ATP8A1: variants seen among roughly 807,000 people sequenced by gnomAD.
ATP8A1 encodes the protein phospholipid-transporting ATPase IA.
A neutral mutation model predicts 177.7 loss-of-function variants in ATP8A1; 90 were observed. The ratio of observed to expected loss-of-function variants is 0.51; its 90% CI spans 0.43 to 0.60. The LOEUF (loss-of-function observed/expected upper bound fraction) is 0.60. Among genes scored for constraint, ATP8A1 ranks in the 20% least tolerant of loss-of-function variants. The pLI is 0.00. For synonymous variants in ATP8A1, 493 were observed against 485.9 expected (o/e 1.01, Z -0.19); for missense variants, 1,072 against 1,392.8 (o/e 0.77, Z 3.67).
Position 42,616,039 on chromosome 4 carries a change from T to A in ATP8A1, c.403A>T (p.Thr135Ser). Reference sequence around the variant, plus strand: ...AAGCATGTAAAATTCCTACCTTGCGTTTGTTTCTTGTTCACTGCATTATCA... The same window carrying A: ...AAGCATGTAAAATTCCTACCTTGCGATTGTTTCTTGTTCACTGCATTATCA... ...KADNAVNKKQ[T>S]QVLRNGAWEI... Residue 135 changes from threonine to serine, a missense_variant, in exon 5 of 37, where the codon ACG becomes TCG. By Grantham distance (58) the Thr-to-Ser change is moderately conservative. Coordinates refer to ENST00000381668, the MANE Select transcript of ATP8A1 (RefSeq NM_006095.2). 12 of 1,612,126 alleles carry A rather than the reference T, an allele frequency of 7.4e-6. No individual in the cohort carries two copies. The highest frequency in any genetic ancestry group is 1.0e-5 in the Non-Finnish European group (12 of 1,179,224).
intron 5 of ATP8A1, among the ~76,000 whole-genome samples, chr4:42,603,393 T>C (rs1735493506): frequency 6.6e-6 from 1 of 152,232 alleles, no homozygotes; most frequent in African/African-American, 2.4e-5. Flanking sequence ...GCATTAAATT[T>C]TTGTACAATG....
intron 4 of ATP8A1, among the ~76,000 whole-genome samples, chr4:42,618,509 T>C (rs1270483393): frequency 6.6e-6 from 1 of 152,190 alleles, no homozygotes; most frequent in South Asian, 2.1e-4. Flanking sequence ...CTGGTACTTG[T>C]CTCAGACATG....
intron 15 of ATP8A1, among the ~76,000 whole-genome samples, chr4:42,568,350 C>A (rs565171896): frequency 2.6e-5 from 4 of 152,270 alleles, no homozygotes; most frequent in Admixed American, 2.6e-4. Flanking sequence ...TCACCAAATA[C>A]ATGAGTAATA....
intron 14 of ATP8A1, among the ~76,000 whole-genome samples, chr4:42,573,380 T>C (rs1178981852): frequency 1.3e-5 from 2 of 152,182 alleles, no homozygotes; most frequent in Non-Finnish European, 2.9e-5. Flanking sequence ...AAGTACAAGA[T>C]GTCAAAAAGT....
At chr4:42,544,932 C>G (rs1222638569) in intron 19 of ATP8A1, among the ~76,000 whole-genome samples, 2 of 151,998 alleles carry the variant, frequency 1.3e-5, no homozygotes, top group Non-Finnish European at 2.9e-5. Context: ...GAGGCCGAGG[C>G]GGGCGGATCA....
chr4:42,502,905 T>C (rs1560397051), intron 24 of ATP8A1, among the ~76,000 whole-genome samples: 1 of 152,242 alleles, frequency 6.6e-6, no homozygotes, highest in East Asian at 1.9e-4. Flanking sequence ...TATTTTACAC[T>C]GTATTCCTAA....
At position 42,618,301 on chromosome 4, in the gene ATP8A1, A is replaced by G. The variant is rs112678466; in HGVS notation, c.364-2223T>C. On this transcript the variant is annotated intron_variant, in intron 4 of 36. Coordinates refer to ENST00000381668, the MANE Select transcript of ATP8A1 (RefSeq NM_006095.2). The stretch of plus-strand genomic sequence containing the variant: ...CAAGGCTTACTCCCTGGCCCTCCTC[A>G]CTTCTAACTCCATATTCTCTTCTTA... 5.9e-3 allele frequency among the ~76,000 whole-genome samples: 903 copies of G among 152,118 alleles called. 14 individuals are homozygous for G. The highest frequency in any genetic ancestry group is 0.02 in the African/African-American group (839 of 41,490).
chr4:42,640,085 A>C (rs1246405434), intron 1 of ATP8A1, among the ~76,000 whole-genome samples: 1 of 152,208 alleles, frequency 6.6e-6, no homozygotes, highest in Non-Finnish European at 1.5e-5. Context: ...AAGGAGGGCC[A>C]CCTGCACTCT....
At chr4:42,500,330 A>C (rs186415455) in intron 24 of ATP8A1, among the ~76,000 whole-genome samples, 1 of 152,264 alleles carries the variant, frequency 6.6e-6, no homozygotes, top group African/African-American at 2.4e-5. Flanking sequence ...GTGCCACTGC[A>C]CTCCAGCCTG....
At chr4:42,589,930 AT>A (rs1027405341) in intron 7 of ATP8A1, among the ~76,000 whole-genome samples, 1 of 151,956 alleles carries the variant, frequency 6.6e-6, no homozygotes, top group African/African-American at 2.4e-5. Flanking sequence ...GCTAAGTTCT[AT>A]TTGAAGTTGG....
intron 24 of ATP8A1, among the ~76,000 whole-genome samples, chr4:42,486,185 C>G (rs1722184375): frequency 6.6e-6 from 1 of 152,180 alleles, no homozygotes; most frequent in Admixed American, 6.5e-5. Flanking sequence ...GGAATGGGAC[C>G]TCACATTCTG....
At chr4:42,549,162 C>G (rs1447500362) in intron 18 of ATP8A1, 100 bp from the exon 19 acceptor site, 1 of 933,472 alleles carries the variant, frequency 1.1e-6, no homozygotes, top group Non-Finnish European at 1.7e-6. Context: ...AAAATGCCAA[C>G]ACAAACAAAT....
intron 25 of ATP8A1, among the ~76,000 whole-genome samples, chr4:42,474,462 A>G (rs925540132): frequency 1.3e-5 from 2 of 152,232 alleles, no homozygotes; most frequent in Non-Finnish European, 2.9e-5. Flanking sequence ...CTTAAAAAAC[A>G]AAACACTCCA....
intron 33 of ATP8A1, among the ~76,000 whole-genome samples, chr4:42,428,227 C>T (rs549461803): frequency 1.6e-4 from 25 of 152,242 alleles, no homozygotes; most frequent in Admixed American, 5.2e-4. Context: ...AGCCACTAAT[C>T]ACCTGTGGCT....
intron 12 of ATP8A1, 71 bp from the exon 13 acceptor site, chr4:42,575,770 C>T: frequency 7.8e-7 from 1 of 1,274,516 alleles, no homozygotes; most frequent in Non-Finnish European, 1.1e-6. Flanking sequence ...TAAAAGAAAA[C>T]AATTAGTATA....
At chr4:42,553,960 A>G (rs1729779981) in intron 16 of ATP8A1, among the ~76,000 whole-genome samples, 1 of 152,118 alleles carries the variant, frequency 6.6e-6, no homozygotes, top group South Asian at 2.1e-4. Context: ...GTAAAGAAGG[A>G]AAAAAACGAT....
At chr4:42,577,381 A>G (rs1732579173) in intron 12 of ATP8A1, among the ~76,000 whole-genome samples, 1 of 152,196 alleles carries the variant, frequency 6.6e-6, no homozygotes, top group Non-Finnish European at 1.5e-5. Context: ...TTACCAATGA[A>G]TTAAGAGATT....
chr4:42,623,036 G>T (rs980988325), intron 4 of ATP8A1, among the ~76,000 whole-genome samples: 5 of 150,098 alleles, frequency 3.3e-5, no homozygotes, highest in African/African-American at 1.2e-4. Flanking sequence ...GTGGGCAAAG[G>T]ACATGAATGG....
intron 22 of ATP8A1, among the ~76,000 whole-genome samples, chr4:42,520,934 C>T (rs978036648): frequency 6.6e-6 from 1 of 152,066 alleles, no homozygotes; most frequent in African/African-American, 2.4e-5. Flanking sequence ...ATATGGTAAC[C>T]TTGTGCAATA....
Sources: gnomAD v4.1 joint callset for allele counts (sites outside exome capture counted in the v4.1 genomes callset) on GRCh38, gnomAD v4.1.1 for gene constraint, MANE v1.5 for transcripts, NCBI Gene and HGNC (gene_info 2026-07-23, HGNC 2026-07-21) for gene names.